The following WWOX variants were observed in gnomAD, a reference collection of about 807,000 sequenced individuals.
WWOX encodes the protein WW domain containing oxidoreductase.
Under a neutral mutation model 46.2 loss-of-function variants are expected in WWOX, and 69 were observed. That is an observed-to-expected ratio of 1.49 (90% CI 1.23 to 1.82). WWOX has a LOEUF of 1.82. Ranked by LOEUF, WWOX falls within the 40% of genes most tolerant of loss-of-function variation. The probability of loss-of-function intolerance (pLI) is 0.00; values close to 1 mark genes in which losing one functional copy is unlikely to be tolerated. For synonymous variants in WWOX, 359 were observed against 202.6 expected (o/e 1.77, Z -6.56); for missense variants, 919 against 542.6 (o/e 1.69, Z -6.89).
intron 8 of WWOX, among the ~76,000 whole-genome samples, chr16:78,617,349 C>G (rs796177135): frequency 6.6e-6 from 1 of 151,232 alleles, no homozygotes; most frequent in Non-Finnish European, 1.5e-5. Flanking sequence ...TTGCAGTGAG[C>G]CGACATTGCA....
rs148569284 is a variant in WWOX, at chr16:78,261,282, G to GATAC, written c.516+97021_516+97024dup. ...GGTAAGGTAGATAGATAGATAGATAGATACATACATACATACATACATACA... is the reference window on the plus strand; with the variant it reads ...GGTAAGGTAGATAGATAGATAGATAGATACATACATACATACATACATACATACA... On this transcript the variant is annotated intron_variant, in intron 5 of 8. Transcript: ENST00000566780. 8.1e-3 allele frequency among the ~76,000 whole-genome samples: 1,134 copies of GATAC among 139,952 alleles called. 39 individuals are homozygous for GATAC. Among genetic ancestry groups the GATAC allele is most frequent in the African/African-American group, 0.028 (1,047 of 37,982 alleles). The allele number at this position is 139,952 out of a possible 152,430, so 91.8% of individuals were successfully genotyped here. A position where few individuals can be genotyped will look rare whatever the true frequency, so the allele number is the denominator to read the frequency against.
At chr16:78,140,835 C>G (rs1337259457) in intron 4 of WWOX, among the ~76,000 whole-genome samples, 2 of 152,086 alleles carry the variant, frequency 1.3e-5, no homozygotes, top group Admixed American at 1.3e-4. Context: ...ACAATTAGAC[C>G]AATAGCAACT....
At chr16:78,887,106 GTGTGTGTGTGTGT>G (rs1490280408) in intron 8 of WWOX, among the ~76,000 whole-genome samples, 1 of 67,328 alleles carries the variant, frequency 1.5e-5, no homozygotes, top group Non-Finnish European at 4.5e-5. Context: ...GTGTGTGTGT[GTGTGTGTGTGTGT>G]GTGTGTGTGT....
At position 79,211,826 on chromosome 16, in the gene WWOX, C is replaced by G; in HGVS notation, c.*30C>G. 1 of 1,613,358 alleles carries G rather than the reference C, an allele frequency of 6.2e-7. No individual in the cohort carries two copies. Among genetic ancestry groups the G allele is most frequent in the South Asian group, 1.1e-5 (1 of 91,006 alleles). ...AGCTCAGAGCGGATGGGCACACACA[C>G]CCGCCCTGTGTGTGTCCCCTCACGC... On this transcript the variant is annotated 3_prime_UTR_variant, in exon 9 of 9. Transcript: ENST00000566780.
In WWOX at chr16:78,472,582, G is replaced by A. The variant is rs149134134; in HGVS notation, c.1056+39830G>A. 1.0e-3 allele frequency among the ~76,000 whole-genome samples: 156 copies of A among 152,198 alleles called. 1 individual carries two copies. The highest frequency in any genetic ancestry group is 3.7e-3 in the African/African-American group (154 of 41,552). On this transcript the variant is annotated intron_variant, in intron 8 of 8. Coordinates refer to ENST00000566780, the MANE Select transcript of WWOX (RefSeq NM_016373.4). The stretch of plus-strand genomic sequence containing the variant: ...CCAGCACTTTGGAAGGCCAAGGCGG[G>A]TGGATCACCTGAGGTCAGGAGTTTG...
Position 78,760,019 on chromosome 16 carries a change from C to G in WWOX, c.1056+327267C>G, listed in dbSNP as rs149967063. On this transcript the variant is annotated intron_variant, in intron 8 of 8. Coordinates refer to ENST00000566780, the MANE Select transcript of WWOX (RefSeq NM_016373.4). ...TTGCATTAGGCCCACCAGGCTCATC[C>G]AGGATGTATTTGTCTGTGTTCACAC... is the stretch of plus-strand genomic sequence containing the variant. 2.3e-3 allele frequency among the ~76,000 whole-genome samples: 356 copies of G among 152,242 alleles called. 2 individuals are homozygous for G. The highest frequency in any genetic ancestry group is 8.0e-3 in the African/African-American group (334 of 41,558).
At chr16:79,001,687 T>C (rs1034176811) in intron 8 of WWOX, among the ~76,000 whole-genome samples, 1 of 148,330 alleles carries the variant, frequency 6.7e-6, no homozygotes, top group Non-Finnish European at 1.5e-5. Context: ...AGATTTCAAA[T>C]TGAGCTAGAC....
chr16:78,582,480 A>C (rs943198170), intron 8 of WWOX, among the ~76,000 whole-genome samples: 8 of 152,162 alleles, frequency 5.3e-5, no homozygotes, highest in African/African-American at 1.9e-4. Context: ...TGGCTTGCCT[A>C]CATTCTCTTT....
intron 8 of WWOX, among the ~76,000 whole-genome samples, chr16:78,783,719 G>C (rs2050385061): frequency 1.3e-5 from 1 of 76,970 alleles, no homozygotes; most frequent in African/African-American, 5.6e-5. Context: ...AGATGAGGGT[G>C]ATGATGTTGA....
At chr16:78,628,621 A>AT (rs139555547) in intron 8 of WWOX, among the ~76,000 whole-genome samples, 7,716 of 150,454 alleles carry the variant, frequency 0.051, 284 homozygotes, top group Non-Finnish European at 0.074. Flanking sequence ...TATTCCAGCA[A>AT]TTTTTTTTTT....
At chr16:78,331,545 G>C (rs1405284652) in intron 5 of WWOX, among the ~76,000 whole-genome samples, 2 of 152,190 alleles carry the variant, frequency 1.3e-5, no homozygotes, top group African/African-American at 2.4e-5. Context: ...TAGGTACAAA[G>C]GTGTAAGTAG....
intron 5 of WWOX, among the ~76,000 whole-genome samples, chr16:78,362,211 C>T (rs907406762): frequency 3.3e-5 from 5 of 151,902 alleles, no homozygotes; most frequent in Non-Finnish European, 5.9e-5. Context: ...GTACTGAACT[C>T]GTGGGAGCAT....
At chr16:79,021,004 T>G (rs2047521609) in intron 8 of WWOX, among the ~76,000 whole-genome samples, 1 of 152,138 alleles carries the variant, frequency 6.6e-6, no homozygotes, top group East Asian at 1.9e-4. Context: ...TTATTCAGCA[T>G]GGGTGGAAGA....
rs143910105 is a variant in WWOX at position 78,744,707 on chromosome 16, C to G, written c.1056+311955C>G. On this transcript the variant is annotated intron_variant, in intron 8 of 8. Transcript: ENST00000566780. ...TCGGCCTCCCAAAGTGCTGGGATTA[C>G]AGGCGTGAGCCACTGTGTATTTCTA... Among the ~76,000 whole-genome samples the G allele has an allele frequency of 3.3e-3, 501 of 152,272 alleles. 2 individuals are homozygous for G. Among genetic ancestry groups the G allele is most frequent in the Middle Eastern group, 0.017 (5 of 294 alleles).
At chr16:79,075,485 C>T (rs1030655491) in intron 8 of WWOX, among the ~76,000 whole-genome samples, 2 of 152,092 alleles carry the variant, frequency 1.3e-5, no homozygotes, top group African/African-American at 2.4e-5. Context: ...TTGTTGCTTA[C>T]ATGTGTTAAA....
At chr16:78,734,265 A>G (rs947915660) in intron 8 of WWOX, among the ~76,000 whole-genome samples, 12 of 152,126 alleles carry the variant, frequency 7.9e-5, no homozygotes, top group African/African-American at 2.7e-4. Flanking sequence ...CAAGGATTGC[A>G]AGATACCTGA....
intron 5 of WWOX, among the ~76,000 whole-genome samples, chr16:78,164,512 A>C (rs1409793172): frequency 1.3e-5 from 2 of 152,192 alleles, no homozygotes; most frequent in African/African-American, 4.8e-5. Flanking sequence ...CTGCTTTATT[A>C]GTCAGGGGTT....
At chr16:78,783,151 C>T (rs1397460409) in intron 8 of WWOX, among the ~76,000 whole-genome samples, 1 of 152,204 alleles carries the variant, frequency 6.6e-6, no homozygotes, top group East Asian at 1.9e-4. Flanking sequence ...AGCACATCTC[C>T]ATCATTTATA....
chr16:78,686,620 G>T (rs1313670793), intron 8 of WWOX, among the ~76,000 whole-genome samples: 5 of 152,144 alleles, frequency 3.3e-5, no homozygotes, highest in African/African-American at 7.2e-5. Context: ...GTTTTTGGAG[G>T]AACTCCTGTT....
Sources: allele counts gnomAD v4.1 joint callset (sites outside exome capture counted in the v4.1 genomes callset), GRCh38; gene constraint gnomAD v4.1.1; transcripts MANE v1.5; gene names NCBI Gene and HGNC (gene_info 2026-07-23, HGNC 2026-07-21).